Variants in ZNF536 observed in about 807,000 individuals in gnomAD.
ZNF536 encodes the protein zinc finger protein 536.
A neutral mutation model predicts 84.5 loss-of-function variants in ZNF536; 13 were observed. The observed-to-expected ratio is 0.15, with a 90% CI of 0.10 to 0.24. ZNF536 has a LOEUF of 0.24. ZNF536 is among the 10% of genes least tolerant of loss of function. ZNF536 has a pLI of 1.00. For synonymous variants in ZNF536, 811 were observed against 742.5 expected (o/e 1.09, Z -1.50); for missense variants, 1,536 against 1,747.5 (o/e 0.88, Z 2.16).
At position 30,700,197 on chromosome 19, in the gene ZNF536, T is replaced by TTTCC. The variant is rs770286597; in HGVS notation, c.170-10556_170-10553dup. On this transcript the variant is annotated intron_variant, in intron 1 of 1. Transcript: ENST00000592773. ...CTTCTTTCTTTTCTTTCCTTCTTTCTTTCCTTCTTTCTTTCCTTCTTTCTT... is the reference window on the plus strand; with the variant it reads ...CTTCTTTCTTTTCTTTCCTTCTTTCTTTCCTTCCTTCTTTCTTTCCTTCTTTCTT... Among the ~76,000 whole-genome samples, 658 of 131,620 alleles carry TTTCC rather than the reference T, an allele frequency of 5.0e-3. 10 individuals are homozygous for TTTCC. Among genetic ancestry groups the TTTCC allele is most frequent in the African/African-American group, 0.016 (534 of 34,366 alleles). 86.3% of individuals were successfully genotyped at this position (131,620 alleles called of 152,430 possible).
intron 1 of ZNF536, among the ~76,000 whole-genome samples, chr19:30,429,802 G>A (rs1190394670): frequency 1.3e-5 from 2 of 152,174 alleles, no homozygotes; most frequent in Non-Finnish European, 2.9e-5. Context: ...GAGCAAGTAC[G>A]AGAATGCTGA....
intron 3 of ZNF536, among the ~76,000 whole-genome samples, chr19:30,357,292 T>C (rs1308924114): frequency 2.6e-5 from 4 of 152,056 alleles, no homozygotes; most frequent in Non-Finnish European, 5.9e-5. Context: ...GGAAGAGCAT[T>C]GGAGCAGAAA....
chr19:30,620,010 CT>C (rs1326061419), intron 1 of ZNF536, among the ~76,000 whole-genome samples: 2 of 136,314 alleles, frequency 1.5e-5, no homozygotes, highest in African/African-American at 2.7e-5. Context: ...TCTCCCTTTT[CT>C]TTTTTTCTTC....
chr19:30,641,638 G>C (rs1015217023), intron 1 of ZNF536, among the ~76,000 whole-genome samples: 2 of 151,958 alleles, frequency 1.3e-5, no homozygotes, highest in Non-Finnish European at 2.9e-5. Flanking sequence ...CTTCACCCTC[G>C]TGCTTTAGAG....
intron 4 of ZNF536, among the ~76,000 whole-genome samples, chr19:30,551,915 C>T (rs548244033): frequency 4.5e-4 from 69 of 152,286 alleles, no homozygotes; most frequent in African/African-American, 1.6e-3. Context: ...ATCTGGCCCA[C>T]CATAATTGCA....
chr19:30,391,979 C>T (rs548883826), intron 1 of ZNF536, among the ~76,000 whole-genome samples: 1 of 152,234 alleles, frequency 6.6e-6, no homozygotes, highest in East Asian at 1.9e-4. Context: ...GATATCCTCC[C>T]CCCTTCACCC....
chr19:30,446,020 G>A lies in ZNF536; in HGVS notation c.2170+288G>A, dbSNP rs1237540718. Among the ~76,000 whole-genome samples, 5 of 152,006 alleles carry A rather than the reference G, an allele frequency of 3.3e-5. 1 individual carries two copies. Among genetic ancestry groups the A allele is most frequent in the East Asian group, 3.9e-4 (2 of 5,166 alleles). On this transcript the variant is annotated intron_variant, in intron 2 of 4. Transcript: ENST00000355537. ...CCCAGCACTTTGGGCGCCCGAGGCC[G>A]GTGGATCACTTGAGGCCAGGGATTC...
At chr19:30,581,952 A>G (rs1043097002) in intron 1 of ZNF536, among the ~76,000 whole-genome samples, 1 of 152,120 alleles carries the variant, frequency 6.6e-6, no homozygotes, top group Non-Finnish European at 1.5e-5. Flanking sequence ...AAACAAAACA[A>G]AAACAAAACA....
Position 30,548,616 on chromosome 19 carries a change from A to T in ZNF536, c.2997A>T (p.Ala999=), listed in dbSNP as rs1458821897. 1 of 1,614,120 alleles carries T rather than the reference A, an allele frequency of 6.2e-7. No individual in the cohort carries two copies. The highest frequency in any genetic ancestry group is 8.5e-7 in the Non-Finnish European group (1 of 1,180,032). The change falls in exon 4 of 5, where the codon GCA becomes GCT. Residue 999 remains alanine (A), a synonymous_variant. Transcript: ENST00000355537. The part of the protein sequence containing the change: ...GSSVTVQDSI[A]WHGCLFCAFT... ...CGGTAACTGTGCAGGACAGCATTGC[A>T]TGGCACGGCTGCTTGTTTTGTGCTT...
chr19:30,599,889 C>T (rs1444951646), intron 1 of ZNF536, among the ~76,000 whole-genome samples: 2 of 152,112 alleles, frequency 1.3e-5, no homozygotes, highest in Non-Finnish European at 2.9e-5. Context: ...GTAGAGTCCC[C>T]TCCAAAATTA....
chr19:30,301,984 G>A (rs1439488870), intron 2 of ZNF536, among the ~76,000 whole-genome samples: 4 of 152,172 alleles, frequency 2.6e-5, no homozygotes, highest in Admixed American at 2.6e-4. Context: ...CAGTGTCAAG[G>A]TCTCAAGGAT....
intron 1 of ZNF536, among the ~76,000 whole-genome samples, chr19:30,605,701 C>G (rs557083097): frequency 6.6e-6 from 1 of 152,126 alleles, no homozygotes; most frequent in East Asian, 1.9e-4. Context: ...GGGTAGATAC[C>G]CAGGAGTGGG....
chr19:30,419,174 A>C (rs1424124649), intron 1 of ZNF536, among the ~76,000 whole-genome samples: 2 of 152,164 alleles, frequency 1.3e-5, no homozygotes, highest in Non-Finnish European at 2.9e-5. Flanking sequence ...AAATGTTATC[A>C]TGGGCATGTT....
At chr19:30,610,012 AT>A (rs2048048316) in intron 1 of ZNF536, among the ~76,000 whole-genome samples, 1 of 152,096 alleles carries the variant, frequency 6.6e-6, no homozygotes, top group African/African-American at 2.4e-5. Context: ...CCATTCATCC[AT>A]CCATCCATCC....
intron 1 of ZNF536, among the ~76,000 whole-genome samples, chr19:30,701,995 C>G (rs561200517): frequency 1.3e-5 from 2 of 152,182 alleles, no homozygotes; most frequent in African/African-American, 4.8e-5. Flanking sequence ...TCTCCCCACT[C>G]TCTTACCCTC....
intron 1 of ZNF536, among the ~76,000 whole-genome samples, chr19:30,241,535 G>C (rs1178797646): frequency 6.6e-6 from 1 of 152,204 alleles, no homozygotes; most frequent in African/African-American, 2.4e-5. Flanking sequence ...TCCAGGCTAA[G>C]GGAAGGGCAA....
chr19:30,648,528 T>A (rs1055170306), intron 1 of ZNF536, among the ~76,000 whole-genome samples: 4 of 152,156 alleles, frequency 2.6e-5, no homozygotes, highest in Non-Finnish European at 2.9e-5. Context: ...ACTGGCCTTC[T>A]GCAGGACAGC....
intron 1 of ZNF536, among the ~76,000 whole-genome samples, chr19:30,279,654 AG>A (rs1162943902): frequency 1.3e-5 from 2 of 152,118 alleles, no homozygotes; most frequent in African/African-American, 2.4e-5. Flanking sequence ...GCCAGCACCC[AG>A]GGGGTGCACA....
chr19:30,324,380 G>C (rs1412548040), intron 2 of ZNF536, among the ~76,000 whole-genome samples: 1 of 152,072 alleles, frequency 6.6e-6, no homozygotes, highest in Non-Finnish European at 1.5e-5. Context: ...TGTCTTCCCT[G>C]GTATTCTTTC....
Sources: gnomAD v4.1 joint callset for allele counts (sites outside exome capture counted in the v4.1 genomes callset) on GRCh38, gnomAD v4.1.1 for gene constraint, MANE v1.5 for transcripts, NCBI Gene and HGNC (gene_info 2026-07-23, HGNC 2026-07-21) for gene names.